ABHD10: variants seen among roughly 807,000 people sequenced by gnomAD.
ABHD10 encodes the protein abhydrolase domain containing 10, depalmitoylase, also known as palmitoyl-protein thioesterase ABHD10, mitochondrial.
In ABHD10, 22 loss-of-function variants were observed where a neutral mutation model predicts 33.1. The ratio of observed to expected loss-of-function variants is 0.66; its 90% CI spans 0.47 to 0.95. The LOEUF is 0.95. Among genes scored for constraint, ABHD10 ranks in the 40% least tolerant of loss-of-function variants. The probability of loss-of-function intolerance (pLI) is 0.00; values close to 1 mark genes in which losing one functional copy is unlikely to be tolerated. For synonymous variants in ABHD10, 146 were observed against 133.9 expected (o/e 1.09, Z -0.62); for missense variants, 352 against 379.9 (o/e 0.93, Z 0.61).
At position 111,988,206 on chromosome 3, in the gene ABHD10, T is replaced by G. The variant is rs2072694316; in HGVS notation, c.576+1155T>G. Reference sequence around the variant, plus strand: ...CTGTGCCATATATTAACTAAGTTCATTCTTAGTTCACGTTGTTTTAAGCTC... The same window carrying G: ...CTGTGCCATATATTAACTAAGTTCAGTCTTAGTTCACGTTGTTTTAAGCTC... On this transcript the variant is annotated intron_variant, in intron 4 of 4. Transcript: ENST00000273359. Among the ~76,000 whole-genome samples the G allele has an allele frequency of 2.0e-5, 3 of 152,266 alleles. No homozygotes were observed. In the South Asian group the frequency reaches 6.2e-4, roughly 32 times the overall value.
In ABHD10 at chr3:111,986,309, A is replaced by G. The variant is rs752008982; in HGVS notation, c.372A>G (p.Glu124=). Reference sequence around the variant, plus strand: ...GAAGTTCAGATGGTAACTCAGAGGAAAGCACACTGGGGAAATGGAGAAAAG... The same window carrying G: ...GAAGTTCAGATGGTAACTCAGAGGAGAGCACACTGGGGAAATGGAGAAAAG... ...GVGSSDGNSE[E]STLGKWRKDV... is the part of the protein sequence containing the mutation. The change falls in exon 3 of 5, where the codon GAA becomes GAG. Residue 124 remains glutamate (E), a synonymous_variant. Coordinates refer to ENST00000273359, the MANE Select transcript of ABHD10 (RefSeq NM_018394.4). The G allele has an allele frequency of 1.9e-5, 31 of 1,613,974 alleles. No homozygotes were observed. The highest frequency in any genetic ancestry group is 2.6e-5 in the Non-Finnish European group (31 of 1,179,972).
chr3:111,985,481 C>T (rs9855847), intron 2 of ABHD10, among the ~76,000 whole-genome samples: 31,577 of 152,060 alleles, frequency 0.21, 3,393 homozygotes, highest in Middle Eastern at 0.28. Context: ...CTGAACTAGG[C>T]ACTAGGAACG....
Position 111,992,229 on chromosome 3 carries a change from T to C in ABHD10, c.*508T>C, listed in dbSNP as rs2072750031. The C allele has an allele frequency of 7.1e-6, 1 of 140,628 alleles. No individual in the cohort carries two copies. Among genetic ancestry groups the C allele is most frequent in the South Asian group, 2.2e-4 (1 of 4,632 alleles). The allele number at this position is 140,628 out of a possible 1,614,324, so 8.7% of individuals were successfully genotyped here. Reference sequence around the variant, plus strand: ...AATACTTTATATAATGTATAAAGTATATATAATATAATATATATGTTATAT... The same window carrying C: ...AATACTTTATATAATGTATAAAGTACATATAATATAATATATATGTTATAT... On this transcript the variant is annotated 3_prime_UTR_variant, in exon 5 of 5. Transcript: ENST00000273359.
At chr3:111,982,786 T>A (rs1395805981) in intron 2 of ABHD10, among the ~76,000 whole-genome samples, 3 of 152,182 alleles carry the variant, frequency 2.0e-5, no homozygotes, top group Non-Finnish European at 4.4e-5. Flanking sequence ...GAAGAGTGAC[T>A]CACAAACATT....
rs1350203360 is a variant in ABHD10, at chr3:111,992,058, A to T, written c.*337A>T. On this transcript the variant is annotated 3_prime_UTR_variant, in exon 5 of 5. Coordinates refer to ENST00000273359, the MANE Select transcript of ABHD10 (RefSeq NM_018394.4). Reference sequence around the variant, plus strand: ...AATTAGGATTATTAATAAAGCGTGAATATTTTGTTTTTTATTATAGACAGA... The same window carrying T: ...AATTAGGATTATTAATAAAGCGTGATTATTTTGTTTTTTATTATAGACAGA... 6.0e-6 allele frequency: 1 copy of T among 166,782 alleles called. No homozygotes were observed. The highest frequency in any genetic ancestry group is 1.7e-4 in the East Asian group (1 of 5,918). The allele number at this position is 166,782 out of a possible 1,614,324, so 10.3% of individuals were successfully genotyped here.
At position 111,979,090 on chromosome 3, in the gene ABHD10, C is replaced by A; in HGVS notation, c.29C>A (p.Ala10Glu). 1 of 1,613,202 alleles carries A rather than the reference C, an allele frequency of 6.2e-7. No homozygotes were observed. The highest frequency in any genetic ancestry group is 8.5e-7 in the Non-Finnish European group (1 of 1,179,700). The change falls in exon 1 of 5, where the codon GCG becomes GAG. Residue 10 changes from alanine (A) to glutamate (E), a missense_variant. Coordinates refer to ENST00000273359, the MANE Select transcript of ABHD10 (RefSeq NM_018394.4). MAVARLAAVAAWVPCRSWGW... is the reference protein window; with the variant it reads MAVARLAAVEAWVPCRSWGW... ...GCGGTTGCGCGCTTGGCAGCTGTGG[C>A]GGCCTGGGTACCTTGTCGGAGCTGG...
In ABHD10 at chr3:111,981,910, G is replaced by T; in HGVS notation, c.269G>T (p.Gly90Val). 1 of 1,593,130 alleles carries T rather than the reference G, an allele frequency of 6.3e-7. No homozygotes were observed. Among genetic ancestry groups the T allele is most frequent in the Non-Finnish European group, 8.6e-7 (1 of 1,164,460 alleles). ...FIPGYLSYMN[G>V]TKALAIEEFC... ...CCTGGCTATCTTTCTTATATGAATG[G>T]TACAAAAGCGTTGGCGATTGAGGAG... The change falls in exon 2 of 5, where the codon GGT becomes GTT. Residue 90 changes from glycine to valine, a missense_variant. Coordinates refer to ENST00000273359, the MANE Select transcript of ABHD10 (RefSeq NM_018394.4).
rs1200317941 is a variant in ABHD10 at position 111,982,110 on chromosome 3, G to A, written c.326+143G>A. ...TGTAAACTTGCATCTTGTGATTTAG[G>A]GTAATTTTAAAAGCAACCTTTAAAA... On this transcript the variant is annotated intron_variant, in intron 2 of 4. Coordinates refer to ENST00000273359, the MANE Select transcript of ABHD10 (RefSeq NM_018394.4). 8 of 738,810 alleles carry A rather than the reference G, an allele frequency of 1.1e-5. No homozygotes were observed. In the East Asian group the frequency reaches 2.0e-4, roughly 18 times the overall value. The allele number at this position is 738,810 out of a possible 1,614,324, so 45.8% of individuals were successfully genotyped here. A position where few individuals can be genotyped will look rare whatever the true frequency, so the allele number is the denominator to read the frequency against.
At chr3:111,984,913 A>G (rs541878888) in intron 2 of ABHD10, among the ~76,000 whole-genome samples, 56 of 152,360 alleles carry the variant, frequency 3.7e-4, no homozygotes, top group Admixed American at 3.5e-3. Flanking sequence ...GGTATAGGGC[A>G]GGCAGTATTC....
rs573378359 is a variant in ABHD10, at chr3:111,979,066, C to G, written c.5C>G (p.Ala2Gly). 1 of 1,612,322 alleles carries G rather than the reference C, an allele frequency of 6.2e-7. No homozygotes were observed. Among genetic ancestry groups the G allele is most frequent in the African/African-American group, 1.3e-5 (1 of 74,890 alleles). Residue 2 changes from alanine (A) to glycine (G), a missense_variant, in exon 1 of 5, where the codon GCG (alanine) becomes GGG (glycine). Transcript: ENST00000273359. MAVARLAAVAAW... is the reference protein window; with the variant it reads MGVARLAAVAAW... ...GGTGCGGGGACAACTACGAAGATGG[C>G]GGTTGCGCGCTTGGCAGCTGTGGCG...
At chr3:111,979,271 C>T in intron 1 of ABHD10, 68 bp downstream of exon 1, 5 of 1,502,428 alleles carry the variant, frequency 3.3e-6, no homozygotes, top group Non-Finnish European at 4.5e-6. Flanking sequence ...AGTTACCGTG[C>T]CTGTGCAGTG....
chr3:111,988,218 G>A (rs7618817), intron 4 of ABHD10, among the ~76,000 whole-genome samples: 31,564 of 152,084 alleles, frequency 0.21, 3,380 homozygotes, highest in Middle Eastern at 0.28. Context: ...CTTAGTTCAC[G>A]TTGTTTTAAG....
rs2072753853 is a variant in ABHD10, at chr3:111,992,462, G to A, written c.*741G>A. On this transcript the variant is annotated 3_prime_UTR_variant, in exon 5 of 5. Coordinates refer to ENST00000273359, the MANE Select transcript of ABHD10 (RefSeq NM_018394.4). ...TAATCTTTATATATTATTTCTTGCA[G>A]AAACATTCATTATTTTATTAATATT... The A allele has an allele frequency of 6.6e-6, 1 of 151,788 alleles. No homozygotes were observed. The highest frequency in any genetic ancestry group is 2.1e-4 in the South Asian group (1 of 4,828). 9.4% of individuals were successfully genotyped at this position (151,788 alleles called of 1,614,324 possible).
chr3:111,987,670 T>C (rs1389591191), intron 4 of ABHD10, among the ~76,000 whole-genome samples: 1 of 152,216 alleles, frequency 6.6e-6, no homozygotes, highest in Non-Finnish European at 1.5e-5. Context: ...CTGTATCGTT[T>C]AGGGAATACG....
chr3:111,986,240 T>G, intron 2 of ABHD10, 24 bp from the exon 3 acceptor site: 1 of 1,331,924 alleles, frequency 7.5e-7, no homozygotes, highest in Non-Finnish European at 1.1e-6. Context: ...TATTTAGATA[T>G]AGATTTTTTT....
intron 2 of ABHD10, among the ~76,000 whole-genome samples, chr3:111,983,070 T>C (rs2072605954): frequency 6.6e-6 from 1 of 152,110 alleles, no homozygotes; most frequent in East Asian, 1.9e-4. Context: ...TACTTGCCTA[T>C]GAGGACCTTT....
rs887319586 is a variant in ABHD10, at chr3:111,991,532, C to G, written c.732C>G (p.Leu244=). The G allele has an allele frequency of 4.3e-6, 7 of 1,613,968 alleles. No homozygotes were observed. The African/African-American group carries it at 8.0e-5, about 18-fold the overall frequency. The change falls in exon 5 of 5, where the codon CTC becomes CTG. Residue 244 remains leucine (L), a synonymous_variant. Coordinates refer to ENST00000273359, the MANE Select transcript of ABHD10 (RefSeq NM_018394.4). Reference sequence around the variant, plus strand: ...CTGTGAACTGCCCCATAAGATTGCTCCATGGCATGAAGGATGACATTGTAC... The same window carrying G: ...CTGTGAACTGCCCCATAAGATTGCTGCATGGCATGAAGGATGACATTGTAC... ...PIPVNCPIRL[L]HGMKDDIVPW... is the part of the protein sequence containing the mutation.
chr3:111,981,668 G>T, intron 1 of ABHD10, 116 bp from the exon 2 acceptor site: 1 of 930,360 alleles, frequency 1.1e-6, no homozygotes, highest in Non-Finnish European at 1.5e-6. Flanking sequence ...TCTATTAAAT[G>T]GAAATAGTAT....
At position 111,981,854 on chromosome 3, in the gene ABHD10, A is replaced by G; in HGVS notation, c.213A>G (p.Leu71=). The part of the protein sequence containing the change: ...PDLPNLAYKK[L]KGKSPGIIFI... Reference sequence around the variant, plus strand: ...TTCCAAACCTGGCTTATAAGAAGCTAAAAGGCAAAAGTCCAGGAATTATCT... The same window carrying G: ...TTCCAAACCTGGCTTATAAGAAGCTGAAAGGCAAAAGTCCAGGAATTATCT... The change falls in exon 2 of 5, where the codon CTA becomes CTG. Residue 71 remains leucine, a synonymous_variant. Coordinates refer to ENST00000273359, the MANE Select transcript of ABHD10 (RefSeq NM_018394.4). 1.2e-6 allele frequency: 2 copies of G among 1,607,360 alleles called. No homozygotes were observed. Among genetic ancestry groups the G allele is most frequent in the East Asian group, 2.2e-5 (1 of 44,784 alleles).
Sources: allele counts gnomAD v4.1 joint callset (sites outside exome capture counted in the v4.1 genomes callset), GRCh38; gene constraint gnomAD v4.1.1; transcripts MANE v1.5; gene names NCBI Gene and HGNC (gene_info 2026-07-23, HGNC 2026-07-21).